TBC1D22A: variants seen among roughly 807,000 people sequenced by gnomAD.
TBC1D22A encodes putative GTPase activator.
In TBC1D22A, 38 loss-of-function variants were observed where a neutral mutation model predicts 60.2. That is an observed-to-expected ratio of 0.63 (90% CI 0.49 to 0.83). TBC1D22A has a LOEUF of 0.83. Among genes scored for constraint, TBC1D22A ranks in the 40% least tolerant of loss-of-function variants. The pLI, the probability that TBC1D22A is intolerant of heterozygous loss-of-function variation, is 0.00. For synonymous variants in TBC1D22A, 302 were observed against 281.7 expected, an observed-to-expected ratio of 1.07 and a Z score of -0.72; for missense variants, 628 against 701.0, an observed-to-expected ratio of 0.90 and a Z score of 1.18.
chr22:46,989,759 T>TCACA (rs35714390), intron 9 of TBC1D22A, among the ~76,000 whole-genome samples: 28,314 of 146,046 alleles, frequency 0.19, 2,871 homozygotes, highest in Non-Finnish European at 0.23. Flanking sequence ...TGTGACAGAG[T>TCACA]CACACACACA....
chr22:47,023,639 C>T (rs2062159766), intron 10 of TBC1D22A, among the ~76,000 whole-genome samples: 1 of 152,202 alleles, frequency 6.6e-6, no homozygotes, highest in Non-Finnish European at 1.5e-5. Context: ...GTAAGCATGA[C>T]AACAGCAGTC....
At chr22:46,876,368 A>G (rs1473641860) in intron 4 of TBC1D22A, among the ~76,000 whole-genome samples, 1 of 152,276 alleles carries the variant, frequency 6.6e-6, no homozygotes, top group Middle Eastern at 3.2e-3. Flanking sequence ...ACATGTGCAT[A>G]CAAAGACCTA....
chr22:46,979,743 C>T (rs868380305), intron 9 of TBC1D22A, among the ~76,000 whole-genome samples: 8 of 152,134 alleles, frequency 5.3e-5, no homozygotes, highest in African/African-American at 9.7e-5. Flanking sequence ...CCAGCATGCC[C>T]GCAATTTTAC....
chr22:46,882,585 G>T (rs2067906522), intron 5 of TBC1D22A, among the ~76,000 whole-genome samples: 1 of 152,178 alleles, frequency 6.6e-6, no homozygotes, highest in Non-Finnish European at 1.5e-5. Context: ...GGCGTTGGAG[G>T]GCCTGCGTTG....
intron 9 of TBC1D22A, among the ~76,000 whole-genome samples, chr22:46,984,333 C>T (rs894027530): frequency 4.5e-5 from 6 of 132,710 alleles, no homozygotes; most frequent in African/African-American, 1.2e-4. Context: ...AGCCACTGCC[C>T]TCCAGCCGGG....
intron 11 of TBC1D22A, among the ~76,000 whole-genome samples, chr22:47,108,090 A>C (rs892535126): frequency 1.3e-5 from 2 of 152,260 alleles, no homozygotes; most frequent in Non-Finnish European, 2.9e-5. Flanking sequence ...GCATGGGGAG[A>C]AAACATTTGC....
At chr22:46,989,450 C>T (rs536008734) in intron 9 of TBC1D22A, among the ~76,000 whole-genome samples, 8 of 152,148 alleles carry the variant, frequency 5.3e-5, no homozygotes, top group South Asian at 4.1e-4. Context: ...AGAGAATGTG[C>T]GACTCTTTCT....
At chr22:46,974,666 C>T (rs949780717) in intron 9 of TBC1D22A, among the ~76,000 whole-genome samples, 2 of 152,236 alleles carry the variant, frequency 1.3e-5, no homozygotes, top group African/African-American at 4.8e-5. Flanking sequence ...CTGCTGCCTG[C>T]AGACTGTAGC....
At chr22:46,926,572 C>G (rs1236780500) in intron 8 of TBC1D22A, among the ~76,000 whole-genome samples, 1 of 152,180 alleles carries the variant, frequency 6.6e-6, no homozygotes, top group Non-Finnish European at 1.5e-5. Flanking sequence ...CTATTTGTAG[C>G]TGCAGTGTAG....
At chr22:46,954,210 G>A (rs950426792) in intron 8 of TBC1D22A, among the ~76,000 whole-genome samples, 3 of 152,174 alleles carry the variant, frequency 2.0e-5, no homozygotes, top group African/African-American at 7.2e-5. Context: ...CCCCAGTCCC[G>A]CTCTGCTTCT....
At chr22:46,931,802 C>T (rs2071366516) in intron 8 of TBC1D22A, among the ~76,000 whole-genome samples, 1 of 152,180 alleles carries the variant, frequency 6.6e-6, no homozygotes, top group Non-Finnish European at 1.5e-5. Flanking sequence ...TCTGACGGAC[C>T]TTCATTTTTC....
At chr22:47,117,547 G>T (rs1352346029) in intron 12 of TBC1D22A, among the ~76,000 whole-genome samples, 6 of 143,712 alleles carry the variant, frequency 4.2e-5, no homozygotes, top group Non-Finnish European at 9.1e-5. Flanking sequence ...ATCGAGCAGG[G>T]AGAGTCACCC....
chr22:46,992,130 C>T (rs990596894), intron 9 of TBC1D22A, among the ~76,000 whole-genome samples: 1 of 152,226 alleles, frequency 6.6e-6, no homozygotes, highest in Admixed American at 6.5e-5. Context: ...GTCAGGGGAT[C>T]CCAAGACGAC....
chr22:46,843,861 G>A (rs1415876236), intron 4 of TBC1D22A, among the ~76,000 whole-genome samples: 1 of 151,948 alleles, frequency 6.6e-6, no homozygotes, highest in African/African-American at 2.4e-5. Flanking sequence ...AGTAGCACCC[G>A]GCAGCACCCT....
intron 11 of TBC1D22A, among the ~76,000 whole-genome samples, chr22:47,052,907 G>A (rs535511415): frequency 6.6e-6 from 1 of 152,354 alleles, no homozygotes; most frequent in African/African-American, 2.4e-5. Flanking sequence ...GTATCCCCGT[G>A]TTGATGGTCT....
chr22:46,968,961 C>T (rs2073940521), intron 8 of TBC1D22A, among the ~76,000 whole-genome samples: 1 of 152,214 alleles, frequency 6.6e-6, no homozygotes, highest in South Asian at 2.1e-4. Flanking sequence ...ATCTCTCCAT[C>T]CACGTGGACT....
intron 7 of TBC1D22A, among the ~76,000 whole-genome samples, chr22:46,899,507 G>C (rs1221674491): frequency 2.0e-5 from 3 of 152,110 alleles, no homozygotes; most frequent in Non-Finnish European, 4.4e-5. Flanking sequence ...ATGGTTTCTG[G>C]CATTGTAGAG....
chr22:46,955,294 G>A (rs1011284007), intron 8 of TBC1D22A, among the ~76,000 whole-genome samples: 7 of 152,188 alleles, frequency 4.6e-5, no homozygotes, highest in Middle Eastern at 3.2e-3. Flanking sequence ...TTAAAAGTAC[G>A]CTAACGATGA....
intron 4 of TBC1D22A, among the ~76,000 whole-genome samples, chr22:46,873,047 T>TCCAG (rs2067366267): frequency 6.6e-6 from 1 of 152,144 alleles, no homozygotes; most frequent in Non-Finnish European, 1.5e-5. Context: ...TTTTACAAGA[T>TCCAG]CCAGTTCCAG....
Sources: allele counts gnomAD v4.1 joint callset (sites outside exome capture counted in the v4.1 genomes callset), GRCh38; gene constraint gnomAD v4.1.1; transcripts MANE v1.5; gene names NCBI Gene and HGNC (gene_info 2026-07-23, HGNC 2026-07-21).